SLC6A6: variants seen among roughly 807,000 people sequenced by gnomAD.
SLC6A6 encodes the protein solute carrier family 6 member 6, also known as sodium- and chloride-dependent taurine transporter.
In SLC6A6, 16 loss-of-function variants were observed where a neutral mutation model predicts 68.8. The observed-to-expected ratio is 0.23, with a 90% CI of 0.16 to 0.35. The LOEUF is 0.35. Among genes scored for constraint, SLC6A6 ranks in the 10% least tolerant of loss-of-function variants. The pLI is 1.00. For synonymous variants in SLC6A6, 312 were observed against 315.4 expected (o/e 0.99, Z 0.12); for missense variants, 474 against 802.8 (o/e 0.59, Z 4.95).
At chr3:14,407,355 T>C (rs1699133057) in intron 1 of SLC6A6, among the ~76,000 whole-genome samples, 1 of 152,180 alleles carries the variant, frequency 6.6e-6, no homozygotes, top group South Asian at 2.1e-4. Flanking sequence ...CATGCAGTAA[T>C]ATGCAAAGAT....
chr3:14,468,334 G>GGCC lies in SLC6A6; in HGVS notation c.1096+122_1096+123insGCC. On this transcript the variant is annotated intron_variant, in intron 9 of 14. Coordinates refer to ENST00000622186, the MANE Select transcript of SLC6A6 (RefSeq NM_003043.6). The surrounding 1 kb of genome is among the most constrained non-coding windows in gnomAD (Gnocchi z 4.5). Reference sequence around the variant, plus strand: ...GGGGACGAGCCTGGTTTCTAAAATGGACCCCCCCCCCGCCACCAAGATATC... The same window carrying GGCC: ...GGGGACGAGCCTGGTTTCTAAAATGGGCCACCCCCCCCCCGCCACCAAGATATC... 1.3e-6 allele frequency: 1 copy of GGCC among 751,492 alleles called. No homozygotes were observed. Among genetic ancestry groups the GGCC allele is most frequent in the Non-Finnish European group, 1.9e-6 (1 of 517,006 alleles). 46.6% of individuals were successfully genotyped at this position (751,492 alleles called of 1,614,324 possible). A position where few individuals can be genotyped will look rare whatever the true frequency, so the allele number is the denominator to read the frequency against.
Position 14,408,892 on chromosome 3 carries a change from C to T in SLC6A6, c.-54+6045C>T, listed in dbSNP as rs537159634. Among the ~76,000 whole-genome samples, 280 of 152,050 alleles carry T rather than the reference C, an allele frequency of 1.8e-3. 2 individuals are homozygous for T. The highest frequency in any genetic ancestry group is 2.9e-3 in the South Asian group (14 of 4,814). ...CGTGATCTCAGCTCACTGCAAGCTC[C>T]GCCTCCTGGGTTCAGGCCATTCTCC... On this transcript the variant is annotated intron_variant, in intron 1 of 14. Transcript: ENST00000622186.
At chr3:14,437,721 T>G (rs746840658) in intron 2 of SLC6A6, among the ~76,000 whole-genome samples, 1 of 152,072 alleles carries the variant, frequency 6.6e-6, no homozygotes, top group Non-Finnish European at 1.5e-5. Flanking sequence ...TCAAACTTAC[T>G]CCTCGTACAT....
intron 2 of SLC6A6, among the ~76,000 whole-genome samples, chr3:14,425,817 C>T (rs1188015540): frequency 1.3e-5 from 2 of 152,074 alleles, no homozygotes; most frequent in South Asian, 4.1e-4. Context: ...TTGGTCACAC[C>T]CCTGGATATC....
rs145045055 is a variant in SLC6A6 at position 14,437,726 on chromosome 3, G to A, written c.-11-5898G>A. ...AATAGATCTATCAAACTTACTCCTC[G>A]TACATAACTGAAATTTTGTGGTTTT... On this transcript the variant is annotated intron_variant, in intron 2 of 14. Transcript: ENST00000622186. Among the ~76,000 whole-genome samples, 35 of 151,938 alleles carry A rather than the reference G, an allele frequency of 2.3e-4. 1 individual carries two copies. The East Asian group carries it at 6.2e-3, about 27-fold the overall frequency.
chr3:14,444,099 G>T (rs1700058479), intron 3 of SLC6A6: 2 of 481,904 alleles, frequency 4.2e-6, no homozygotes, highest in Admixed American at 3.4e-5. Flanking sequence ...CCTTGAGCAG[G>T]TCCCTCAGCC....
chr3:14,462,405 A>G (rs141516579), intron 6 of SLC6A6, among the ~76,000 whole-genome samples: 3 of 152,308 alleles, frequency 2.0e-5, no homozygotes, highest in East Asian at 1.9e-4. Context: ...ACCTCAGTAC[A>G]CTAAAGGGGA....
intron 4 of SLC6A6, 25 bp from the exon 5 acceptor site, chr3:14,447,557 C>T (rs1430158730): frequency 8.7e-6 from 14 of 1,612,924 alleles, no homozygotes; most frequent in Non-Finnish European, 1.2e-5. Context: ...CAGATGTTTA[C>T]TCATCTCATT....
In SLC6A6 at chr3:14,488,051, G is replaced by T. The variant is rs2063257982; in HGVS notation, c.*3044G>T. The T allele has an allele frequency of 6.5e-6, 1 of 152,762 alleles. No homozygotes were observed. Among genetic ancestry groups the T allele is most frequent in the African/African-American group, 2.4e-5 (1 of 41,426 alleles). The allele number at this position is 152,762 out of a possible 1,614,324, so 9.5% of individuals were successfully genotyped here. On this transcript the variant is annotated 3_prime_UTR_variant, in exon 15 of 15. Coordinates refer to ENST00000622186, the MANE Select transcript of SLC6A6 (RefSeq NM_003043.6). ...ACCTGCACACCCCAGCCCTGCACGG[G>T]GCCCTCCTTCCTCCCAGCAGCCCTT...
chr3:14,484,503 G>A (rs1323253333), intron 14 of SLC6A6, among the ~76,000 whole-genome samples: 2 of 152,190 alleles, frequency 1.3e-5, no homozygotes, highest in African/African-American at 4.8e-5. Context: ...CTCAACTGCT[G>A]CTTTGCAAGG....
chr3:14,451,047 A>G (rs1700240365), intron 5 of SLC6A6, among the ~76,000 whole-genome samples: 1 of 152,100 alleles, frequency 6.6e-6, no homozygotes, highest in Admixed American at 6.6e-5. Context: ...TGGGACCCCC[A>G]TCACTCTCCT....
intron 6 of SLC6A6, among the ~76,000 whole-genome samples, chr3:14,465,961 C>T (rs1413090504): frequency 6.6e-6 from 1 of 152,164 alleles, no homozygotes; most frequent in Admixed American, 6.5e-5. Context: ...TTCATTTAAT[C>T]TCAGTAAATC....
intron 2 of SLC6A6, among the ~76,000 whole-genome samples, chr3:14,420,794 A>G (rs980668734): frequency 1.3e-5 from 2 of 152,130 alleles, no homozygotes; most frequent in Non-Finnish European, 1.5e-5. Context: ...TCTATTTTCA[A>G]TTGTTGTAAA....
chr3:14,428,862 C>T (rs1699660063), intron 2 of SLC6A6, among the ~76,000 whole-genome samples: 1 of 152,184 alleles, frequency 6.6e-6, no homozygotes, highest in South Asian at 2.1e-4. Flanking sequence ...CCTGCTGCCT[C>T]CACTGGAGAA....
chr3:14,471,417 A>C (rs547359045), intron 9 of SLC6A6, among the ~76,000 whole-genome samples: 1 of 152,264 alleles, frequency 6.6e-6, no homozygotes, highest in South Asian at 2.1e-4. Context: ...TCTACCTCTG[A>C]GAATCTAAAC....
At chr3:14,482,899 T>A (rs1701040692) in intron 14 of SLC6A6, among the ~76,000 whole-genome samples, 1 of 152,210 alleles carries the variant, frequency 6.6e-6, no homozygotes, top group African/African-American at 2.4e-5. Flanking sequence ...GAACAGTGAC[T>A]GTCCCGAGCC....
At chr3:14,407,875 G>A (rs969280338) in intron 1 of SLC6A6, among the ~76,000 whole-genome samples, 1 of 152,072 alleles carries the variant, frequency 6.6e-6, no homozygotes, top group Non-Finnish European at 1.5e-5. Flanking sequence ...GACTTATTTA[G>A]TGTATACTCT....
chr3:14,455,013 T>C (rs1700337799), intron 5 of SLC6A6, among the ~76,000 whole-genome samples: 9 of 152,232 alleles, frequency 5.9e-5, no homozygotes, highest in Admixed American at 5.9e-4. Flanking sequence ...CTCCACAGTT[T>C]ACAAGCTCCT....
intron 3 of SLC6A6, chr3:14,444,169 C>T: frequency 3.0e-6 from 1 of 334,594 alleles, no homozygotes; most frequent in Non-Finnish European, 5.6e-6. Flanking sequence ...CTTGTGTCTC[C>T]CAAGCCCCAG....
Sources: gnomAD v4.1 joint callset for allele counts (sites outside exome capture counted in the v4.1 genomes callset) on GRCh38, gnomAD v4.1.1 for gene constraint, Gnocchi (gnomAD v3.1) non-coding constraint, MANE v1.5 for transcripts, NCBI Gene and HGNC (gene_info 2026-07-23, HGNC 2026-07-21) for gene names.